The following VAV2 variants were observed in gnomAD, a reference collection of about 807,000 sequenced individuals.
The protein encoded by VAV2 is guanine nucleotide exchange factor VAV2.
Under a neutral mutation model 132.5 loss-of-function variants are expected in VAV2, and 67 were observed. That is an observed-to-expected ratio of 0.51 (90% CI 0.42 to 0.62). The LOEUF (loss-of-function observed/expected upper bound fraction) is 0.62. Among genes scored for constraint, VAV2 ranks in the 20% least tolerant of loss-of-function variants. The pLI is 0.00. For missense variants in VAV2, 938 were observed against 1,153.6 expected (o/e 0.81, Z 2.71); for synonymous variants, 492 against 443.5 (o/e 1.11, Z -1.37).
intron 20 of VAV2, among the ~76,000 whole-genome samples, chr9:133,780,330 A>G (rs1007305180): frequency 6.6e-6 from 1 of 152,172 alleles, no homozygotes; most frequent in Non-Finnish European, 1.5e-5. Context: ...CTCGAGGGGC[A>G]CACGAAGCCC....
chr9:133,852,790 G>A (rs1026527235), intron 3 of VAV2, among the ~76,000 whole-genome samples: 14 of 152,296 alleles, frequency 9.2e-5, no homozygotes, highest in African/African-American at 2.9e-4. Context: ...GGTGGCAGCC[G>A]CAAAGAGGAC....
chr9:133,777,100 G>T (rs188621930), intron 23 of VAV2, among the ~76,000 whole-genome samples: 37 of 152,302 alleles, frequency 2.4e-4, no homozygotes, highest in Admixed American at 2.2e-3. Flanking sequence ...GCAGCTGGCT[G>T]GTCTTCACCC....
intron 3 of VAV2, among the ~76,000 whole-genome samples, chr9:133,846,312 G>T (rs1168378733): frequency 6.6e-6 from 1 of 152,154 alleles, no homozygotes; most frequent in African/African-American, 2.4e-5. Context: ...GGCACCTCCT[G>T]TCGGCACCTC....
chr9:133,906,010 G>T (rs1439735355), intron 2 of VAV2, among the ~76,000 whole-genome samples: 1 of 152,168 alleles, frequency 6.6e-6, no homozygotes, highest in African/African-American at 2.4e-5. Context: ...ACTGAATCCA[G>T]CCTGGGCAAC....
At chr9:133,787,854 A>C (rs927628730) in intron 15 of VAV2, among the ~76,000 whole-genome samples, 4 of 107,232 alleles carry the variant, frequency 3.7e-5, no homozygotes, top group Admixed American at 9.3e-5. Context: ...CCCTGGCCCC[A>C]CCCCAGCAGC....
chr9:133,976,623 C>T (rs1334935922), intron 1 of VAV2, among the ~76,000 whole-genome samples: 1 of 152,206 alleles, frequency 6.6e-6, no homozygotes, highest in African/African-American at 2.4e-5. Context: ...GGCAAACAGA[C>T]CCCCAAGCCC....
intron 2 of VAV2, among the ~76,000 whole-genome samples, chr9:133,932,848 G>C (rs61326680): frequency 0.023 from 3,563 of 152,326 alleles, 124 homozygotes; most frequent in African/African-American, 0.08. Flanking sequence ...AGGGTTTCCA[G>C]GGGTCCATCT....
chr9:133,765,804 T>G (rs1833409673), intron 29 of VAV2, among the ~76,000 whole-genome samples: 1 of 152,126 alleles, frequency 6.6e-6, no homozygotes, highest in Non-Finnish European at 1.5e-5. Context: ...TCAAGTGAGT[T>G]AGAGAGAAAT....
rs530572627 is a variant in VAV2, at chr9:133,864,432, G to C, written c.322-3000C>G. Among the ~76,000 whole-genome samples, 9 of 152,340 alleles carry C rather than the reference G, an allele frequency of 5.9e-5. No homozygotes were observed. The East Asian group carries it at 1.7e-3, about 29-fold the overall frequency. On this transcript the variant is annotated intron_variant, in intron 2 of 29. Transcript: ENST00000371850. The stretch of plus-strand genomic sequence containing the variant: ...TCACTGAGGAACGAGGTGGGGACTG[G>C]AGAGCTCAGAGGACAGGCTGTGGTG...
intron 13 of VAV2, among the ~76,000 whole-genome samples, chr9:133,791,313 A>C (rs7039067): frequency 0.49 from 75,036 of 151,842 alleles, 18,716 homozygotes; most frequent in South Asian, 0.56. Context: ...TCCGAGGAGC[A>C]GAGGCGACTG....
intron 17 of VAV2, among the ~76,000 whole-genome samples, chr9:133,784,681 T>C (rs927406736): frequency 1.6e-4 from 25 of 152,150 alleles, no homozygotes; most frequent in Admixed American, 1.3e-4. Context: ...TGGTCTAAGG[T>C]CCTGACTGGG....
At chr9:133,890,224 C>T (rs1003938874) in intron 2 of VAV2, among the ~76,000 whole-genome samples, 41 of 152,138 alleles carry the variant, frequency 2.7e-4, no homozygotes, top group African/African-American at 8.4e-4. Flanking sequence ...GAGCCCAGGC[C>T]GGGAGTCTGG....
chr9:133,775,996 A>G, intron 24 of VAV2, 32 bp downstream of exon 24: 1 of 1,582,644 alleles, frequency 6.3e-7, no homozygotes, highest in Non-Finnish European at 8.6e-7. Flanking sequence ...AGGCCACCAG[A>G]TGCCCATGTC....
intron 1 of VAV2, among the ~76,000 whole-genome samples, chr9:133,952,105 T>C (rs1841578665): frequency 6.6e-6 from 1 of 151,788 alleles, no homozygotes; most frequent in African/African-American, 2.4e-5. Context: ...CCCAATTACC[T>C]CAAAAGGCCC....
intron 8 of VAV2, 97 bp downstream of exon 8, chr9:133,807,161 G>A: frequency 7.3e-7 from 1 of 1,372,544 alleles, no homozygotes; most frequent in East Asian, 2.5e-5. Flanking sequence ...CCACAGGGGT[G>A]CAGCTCTCCA....
chr9:133,768,482 C>T lies in VAV2; in HGVS notation c.2549G>A (p.Gly850Asp). 1 of 1,613,896 alleles carries T rather than the reference C, an allele frequency of 6.2e-7. No individual in the cohort carries two copies. Among genetic ancestry groups the T allele is most frequent in the South Asian group, 1.1e-5 (1 of 91,082 alleles). Residue 850 changes from glycine (G) to aspartate (D), a missense_variant, in exon 29 of 30, where the codon GGC (glycine) becomes GAC (aspartate). Coordinates refer to ENST00000371850, the MANE Select transcript of VAV2 (RefSeq NM_001134398.2). The surrounding 1 kb of genome is among the most constrained non-coding windows in gnomAD (Gnocchi z 5.3). ...GDVVRIYSRI[G>D]GDQGWWKGET... is the part of the protein sequence containing the mutation. The stretch of plus-strand genomic sequence containing the variant: ...GCCCTTCCACCAGCCCTGGTCTCCG[C>T]CGATGCGGCTGTAGATCCTCACCAC...
intron 2 of VAV2, among the ~76,000 whole-genome samples, chr9:133,932,695 C>A (rs560047920): frequency 6.7e-6 from 1 of 148,972 alleles, no homozygotes; most frequent in South Asian, 2.2e-4. Context: ...GTCCAACTCG[C>A]GTCCAGGTCT....
intron 4 of VAV2, among the ~76,000 whole-genome samples, chr9:133,815,633 C>G (rs1425761196): frequency 6.6e-6 from 1 of 152,214 alleles, no homozygotes; most frequent in Non-Finnish European, 1.5e-5. Context: ...ACATTTGCAG[C>G]TCATTCCTGT....
chr9:133,966,431 C>T (rs1842141860), intron 1 of VAV2, among the ~76,000 whole-genome samples: 1 of 152,210 alleles, frequency 6.6e-6, no homozygotes, highest in Admixed American at 6.5e-5. Flanking sequence ...CTCGGTCCAG[C>T]GAGGTGGCTC....
Sources: gnomAD v4.1 joint callset for allele counts (sites outside exome capture counted in the v4.1 genomes callset) on GRCh38, gnomAD v4.1.1 for gene constraint, Gnocchi (gnomAD v3.1) non-coding constraint, MANE v1.5 for transcripts, NCBI Gene and HGNC (gene_info 2026-07-23, HGNC 2026-07-21) for gene names.